Variants in RCOR3 observed in about 807,000 individuals in gnomAD.
RCOR3 encodes the protein REST corepressor 3.
In RCOR3, 13 loss-of-function variants were observed where a neutral mutation model predicts 64.1. The observed-to-expected ratio is 0.20, with a 90% confidence interval of 0.13 to 0.32. The LOEUF is 0.32. Ranked by LOEUF, RCOR3 falls within the 10% of genes least tolerant of loss-of-function variation. The pLI is 1.00. For synonymous variants in RCOR3, 215 were observed against 239.0 expected (o/e 0.90, Z 0.93); for missense variants, 489 against 701.2 (o/e 0.70, Z 3.42).
At chr1:211,278,314 A>T in intron 6 of RCOR3, 73 bp downstream of exon 6, 1 of 1,476,046 alleles carries the variant, frequency 6.8e-7, no homozygotes, top group Non-Finnish European at 9.3e-7. Context: ...CCTAAGGCAG[A>T]AAAGTTATCA....
At chr1:211,266,840 CAT>C (rs1558044029) in intron 2 of RCOR3, among the ~76,000 whole-genome samples, 1 of 152,182 alleles carries the variant, frequency 6.6e-6, no homozygotes, top group African/African-American at 2.4e-5. Flanking sequence ...TTTAATAGCA[CAT>C]GTTACTTTCT....
At chr1:211,285,980 T>G (rs1558076299) in intron 7 of RCOR3, among the ~76,000 whole-genome samples, 1 of 152,346 alleles carries the variant, frequency 6.6e-6, no homozygotes, top group Non-Finnish European at 1.5e-5. Context: ...TGTTGATAGC[T>G]CCACCATTTT....
At chr1:211,298,502 G>A (rs1343342057) in intron 9 of RCOR3, among the ~76,000 whole-genome samples, 1 of 152,194 alleles carries the variant, frequency 6.6e-6, no homozygotes, top group Admixed American at 6.5e-5. Context: ...CACTTATTAT[G>A]TGCTCATTAT....
chr1:211,287,461 T>TAAAC (rs1698687191), intron 7 of RCOR3, among the ~76,000 whole-genome samples: 1 of 152,324 alleles, frequency 6.6e-6, no homozygotes, highest in East Asian at 1.9e-4. Context: ...AAGTGAATGT[T>TAAAC]AAAAGACTTT....
At chr1:211,289,455 CT>C in intron 8 of RCOR3, 59 bp downstream of exon 8, 1 of 1,354,276 alleles carries the variant, frequency 7.4e-7, no homozygotes, top group Non-Finnish European at 1.0e-6. Context: ...CCGCTTTTAC[CT>C]TTTACCTAGG....
At chr1:211,272,151 C>T (rs1470763153) in intron 3 of RCOR3, among the ~76,000 whole-genome samples, 2 of 152,142 alleles carry the variant, frequency 1.3e-5, no homozygotes, top group Non-Finnish European at 2.9e-5. Context: ...ATAAATCTTT[C>T]TATTTAAGAG....
At chr1:211,309,617 G>A (rs185766168) in intron 10 of RCOR3, among the ~76,000 whole-genome samples, 13 of 152,258 alleles carry the variant, frequency 8.5e-5, no homozygotes, top group Admixed American at 3.3e-4. Flanking sequence ...TCCTAGAAGT[G>A]AGACTTTAAC....
intron 2 of RCOR3, chr1:211,267,739 A>G (rs145220607): frequency 0.022 from 6,513 of 290,984 alleles, 110 homozygotes; most frequent in Non-Finnish European, 0.033. Flanking sequence ...CTACAGGTGC[A>G]CACGATCACA....
intron 10 of RCOR3, among the ~76,000 whole-genome samples, chr1:211,307,410 A>C (rs1700950619): frequency 6.6e-6 from 1 of 151,804 alleles, no homozygotes; most frequent in East Asian, 1.9e-4. Context: ...AATTGCTTGA[A>C]CCTGGGAGGT....
At position 211,259,599 on chromosome 1, in the gene RCOR3, G is replaced by A. The variant is rs1228957776; in HGVS notation, c.39G>A (p.Gly13=). The A allele has an allele frequency of 3.2e-6, 5 of 1,548,540 alleles. No individual in the cohort carries two copies. The South Asian group carries it at 3.6e-5, about 11-fold the overall frequency. ...TGGAGAAAGGGCCCGAGTTACTGGG[G>A]AAGAACCGATCGGCCAACGGCAGCG... is the stretch of plus-strand genomic sequence containing the variant. ...GMMEKGPELL[G]KNRSANGSAK... Residue 13 remains glycine, a synonymous_variant, in exon 1 of 12, where the codon GGG becomes GGA. Transcript: ENST00000419091.
At chr1:211,271,139 G>A in intron 2 of RCOR3, 93 bp from the exon 3 acceptor site, 4 of 1,081,492 alleles carry the variant, frequency 3.7e-6, no homozygotes, top group South Asian at 2.9e-5. Context: ...TTACAGGCAT[G>A]AGCCACCGTG....
At position 211,313,439 on chromosome 1, in the gene RCOR3, G is replaced by T. The variant is rs749070976; in HGVS notation, c.1333G>T (p.Ala445Ser). Residue 445 changes from alanine (A) to serine (S), a missense_variant, in exon 12 of 12, where the codon GCT becomes TCT. Transcript: ENST00000419091. The surrounding 1 kb of genome is among the most constrained non-coding windows in gnomAD (Gnocchi z 4.7). The part of the protein sequence containing the change: ...DEEEEAQTPQ[A>S]PRTLGPSPPA... ...TCACCTCTAGGCACAGACCCCACAG[G>T]CTCCTCGGACACTGGGTCCATCACC... 8.7e-6 allele frequency: 14 copies of T among 1,613,312 alleles called. No homozygotes were observed. In the South Asian group the frequency reaches 1.5e-4, roughly 18 times the overall value.
chr1:211,259,931 C>G (rs931331524), intron 1 of RCOR3, 177 bp from the exon 2 acceptor site: 5 of 1,132,132 alleles, frequency 4.4e-6, no homozygotes, highest in Non-Finnish European at 5.9e-6. Flanking sequence ...TTTGCCCCCC[C>G]CCGCTCCCCG....
At chr1:211,290,530 TCTC>T (rs1318064004) in intron 8 of RCOR3, among the ~76,000 whole-genome samples, 1 of 152,146 alleles carries the variant, frequency 6.6e-6, no homozygotes, top group Non-Finnish European at 1.5e-5. Flanking sequence ...ATTCTTTTTT[TCTC>T]CTCATTTTTT....
chr1:211,295,651 C>G, intron 8 of RCOR3, 25 bp from the exon 9 acceptor site: 1 of 1,602,240 alleles, frequency 6.2e-7, no homozygotes, highest in Non-Finnish European at 8.5e-7. Flanking sequence ...CGATCTGATT[C>G]ACATTTGGGG....
chr1:211,275,315 A>G (rs1696816897), intron 4 of RCOR3, among the ~76,000 whole-genome samples: 1 of 152,090 alleles, frequency 6.6e-6, no homozygotes, highest in African/African-American at 2.4e-5. Flanking sequence ...TTTATTTTAT[A>G]TCTATCTAAA....
chr1:211,299,498 T>G (rs1165289641), intron 9 of RCOR3, among the ~76,000 whole-genome samples: 2 of 152,194 alleles, frequency 1.3e-5, no homozygotes, highest in African/African-American at 4.8e-5. Flanking sequence ...GTAGACGACA[T>G]CCTTTCATTA....
At chr1:211,276,509 T>C in intron 5 of RCOR3, 91 bp downstream of exon 5, 1 of 1,165,224 alleles carries the variant, frequency 8.6e-7, no homozygotes, top group Non-Finnish European at 1.2e-6. Flanking sequence ...ACAAAAACAT[T>C]CTTCAATTTA....
At chr1:211,307,136 A>G (rs1700923535) in intron 10 of RCOR3, among the ~76,000 whole-genome samples, 1 of 152,212 alleles carries the variant, frequency 6.6e-6, no homozygotes, top group African/African-American at 2.4e-5. Context: ...TAATGCTTTT[A>G]GAAGTTATCC....
Sources: gnomAD v4.1 joint callset for allele counts (sites outside exome capture counted in the v4.1 genomes callset) on GRCh38, gnomAD v4.1.1 for gene constraint, Gnocchi (gnomAD v3.1) non-coding constraint, MANE v1.5 for transcripts, NCBI Gene and HGNC (gene_info 2026-07-23, HGNC 2026-07-21) for gene names.